Variants in CALN1 observed in about 807,000 individuals in gnomAD.
CALN1 encodes calneuron 1, also known as calcium-binding protein 8.
A neutral mutation model predicts 30.6 loss-of-function variants in CALN1; 17 were observed. That is an observed-to-expected ratio of 0.56 (90% confidence interval 0.38 to 0.83). The LOEUF is 0.83. CALN1 is among the 40% of genes least tolerant of loss of function. The probability of loss-of-function intolerance (pLI) is 0.00; values close to 1 mark genes in which losing one functional copy is unlikely to be tolerated. For missense variants in CALN1, 291 were observed against 354.9 expected, an observed-to-expected ratio of 0.82 and a Z score of 1.45; for synonymous variants, 156 against 131.4, an observed-to-expected ratio of 1.19 and a Z score of -1.28.
At chr7:71,796,105 A>G (rs937106210) in intron 6 of CALN1, among the ~76,000 whole-genome samples, 4 of 151,736 alleles carry the variant, frequency 2.6e-5, no homozygotes, top group South Asian at 2.1e-4. Flanking sequence ...GATTACAGGC[A>G]TGAGCCACTG....
intron 4 of CALN1, among the ~76,000 whole-genome samples, chr7:72,072,803 C>G (rs778600573): frequency 1.3e-5 from 2 of 152,000 alleles, no homozygotes; most frequent in Non-Finnish European, 2.9e-5. Flanking sequence ...TTTTTATATG[C>G]TATTGGAGTT....
chr7:72,120,886 CAAGA>C (rs1465705644), intron 3 of CALN1, among the ~76,000 whole-genome samples: 3 of 151,918 alleles, frequency 2.0e-5, no homozygotes, highest in Admixed American at 6.6e-5. Flanking sequence ...AGGAGGTCCC[CAAGA>C]AAGACACACG....
At chr7:71,875,997 T>C (rs1459291676) in intron 5 of CALN1, among the ~76,000 whole-genome samples, 1 of 152,126 alleles carries the variant, frequency 6.6e-6, no homozygotes, top group East Asian at 1.9e-4. Context: ...CAGAAACCTA[T>C]TTATCAGATG....
At chr7:71,867,139 T>G (rs1791632506) in intron 5 of CALN1, among the ~76,000 whole-genome samples, 1 of 122,840 alleles carries the variant, frequency 8.1e-6, no homozygotes, top group South Asian at 2.4e-4. Flanking sequence ...AGCGAGACTC[T>G]GTCTCAAAAA....
At chr7:71,897,972 CAAAAAAA>C (rs1207497270) in intron 5 of CALN1, among the ~76,000 whole-genome samples, 2 of 59,058 alleles carry the variant, frequency 3.4e-5, no homozygotes, top group South Asian at 9.8e-4. Context: ...AAACAAAAAA[CAAAAAAA>C]AAAAAAAAAA....
intron 5 of CALN1, among the ~76,000 whole-genome samples, chr7:71,903,282 C>T (rs1793959609): frequency 1.3e-5 from 2 of 152,078 alleles, no homozygotes; most frequent in Non-Finnish European, 2.9e-5. Flanking sequence ...GCAGGCATCA[C>T]ATTACCTAAC....
At chr7:72,390,141 G>A (rs959914296) in intron 2 of CALN1, among the ~76,000 whole-genome samples, 3 of 151,902 alleles carry the variant, frequency 2.0e-5, no homozygotes, top group Non-Finnish European at 4.4e-5. Flanking sequence ...AGAAATAAGG[G>A]GGATTGGGGC....
At chr7:71,952,483 A>C (rs1434851103) in intron 5 of CALN1, among the ~76,000 whole-genome samples, 4 of 152,234 alleles carry the variant, frequency 2.6e-5, no homozygotes, top group African/African-American at 9.6e-5. Context: ...GAAGGGGCCC[A>C]CATAGGCTTG....
intron 2 of CALN1, among the ~76,000 whole-genome samples, chr7:72,350,803 A>G (rs1802882461): frequency 6.6e-6 from 1 of 152,340 alleles, no homozygotes; most frequent in South Asian, 2.1e-4. Flanking sequence ...AAATAAATAA[A>G]AAAAATACTG....
At chr7:72,258,662 G>A (rs1023966035) in intron 3 of CALN1, among the ~76,000 whole-genome samples, 1 of 152,162 alleles carries the variant, frequency 6.6e-6, no homozygotes, top group Non-Finnish European at 1.5e-5. Flanking sequence ...GCTCACGCCT[G>A]TAATCTCAGC....
In CALN1 at chr7:72,178,643, C is replaced by T. The variant is rs751569719; in HGVS notation, c.245-72349G>A. Reference sequence around the variant, plus strand: ...GGCGGAGGTTGCAGTGAGCCGAGATCGCACTAATGCACTCCAGCCCAGACG... The same window carrying T: ...GGCGGAGGTTGCAGTGAGCCGAGATTGCACTAATGCACTCCAGCCCAGACG... On this transcript the variant is annotated intron_variant, in intron 3 of 6. Transcript: ENST00000395275. Among the ~76,000 whole-genome samples the T allele has an allele frequency of 1.8e-4, 27 of 151,198 alleles. 1 individual carries two copies. Among genetic ancestry groups the T allele is most frequent in the East Asian group, 1.9e-4 (1 of 5,154 alleles).
At chr7:72,477,915 T>A in the CALN1 span, among the ~76,000 whole-genome samples, 2 of 152,154 alleles carry the variant, frequency 1.3e-5, no homozygotes, top group South Asian at 2.1e-4. Context: ...CTCTATCTAA[T>A]CTCCTTTGTT....
chr7:72,284,613 C>T (rs1472579696), intron 2 of CALN1, among the ~76,000 whole-genome samples: 1 of 152,188 alleles, frequency 6.6e-6, no homozygotes, highest in African/African-American at 2.4e-5. Flanking sequence ...CAAGCTGGTA[C>T]ATCAGTCTTA....
chr7:72,484,577 AT>A, the CALN1 span, among the ~76,000 whole-genome samples: 1 of 152,040 alleles, frequency 6.6e-6, no homozygotes, highest in African/African-American at 2.4e-5. Flanking sequence ...ACTAATCAAT[AT>A]CCAGCTGAAT....
rs867812612 is a variant in CALN1, at chr7:72,272,928, G to A, written c.244+5758C>T. Among the ~76,000 whole-genome samples, 54 of 152,134 alleles carry A rather than the reference G, an allele frequency of 3.5e-4. No homozygotes were observed. The Middle Eastern group carries it at 0.02, about 57-fold the overall frequency. Reference sequence around the variant, plus strand: ...CAGGTGAAAGCCAAAATGTTCCTAGGATGACCAAACGTACAAGAGTAGCTT... The same window carrying A: ...CAGGTGAAAGCCAAAATGTTCCTAGAATGACCAAACGTACAAGAGTAGCTT... On this transcript the variant is annotated intron_variant, in intron 3 of 6. Transcript: ENST00000395275.
intron 2 of CALN1, among the ~76,000 whole-genome samples, chr7:72,336,046 G>A (rs1483085711): frequency 6.6e-6 from 1 of 152,110 alleles, no homozygotes; most frequent in Non-Finnish European, 1.5e-5. Context: ...CAGCTGCTTG[G>A]AGCTCAGAGA....
intron 5 of CALN1, among the ~76,000 whole-genome samples, chr7:71,922,769 A>G (rs1795030586): frequency 7.1e-6 from 1 of 140,184 alleles, no homozygotes; most frequent in Non-Finnish European, 1.5e-5. Context: ...TACCGAATAT[A>G]TTATATATAA....
chr7:72,229,701 A>C (rs907743293), intron 3 of CALN1, among the ~76,000 whole-genome samples: 1 of 151,974 alleles, frequency 6.6e-6, no homozygotes, highest in African/African-American at 2.4e-5. Context: ...CAAACACCGC[A>C]TGTTCTCACT....
intron 5 of CALN1, among the ~76,000 whole-genome samples, chr7:71,917,365 T>C (rs78360122): frequency 1.1e-3 from 163 of 152,320 alleles, no homozygotes; most frequent in Non-Finnish European, 1.1e-3. Flanking sequence ...ATGGCGATTA[T>C]TGTTAATACC....
Sources: gnomAD v4.1 joint callset for allele counts (sites outside exome capture counted in the v4.1 genomes callset) on GRCh38, gnomAD v4.1.1 for gene constraint, MANE v1.5 for transcripts, NCBI Gene and HGNC (gene_info 2026-07-23, HGNC 2026-07-21) for gene names.